The following RALGAPA1 variants were observed in gnomAD, a reference collection of about 807,000 sequenced individuals.
RALGAPA1 encodes the protein Ral GTPase activating protein catalytic subunit alpha 1, also known as ral GTPase-activating protein subunit alpha-1.
RALGAPA1 carries 52 observed loss-of-function variants against 269.6 expected under a neutral mutation model. That is an observed-to-expected ratio of 0.19 (90% CI 0.15 to 0.24). The LOEUF (loss-of-function observed/expected upper bound fraction) is 0.24. Among genes scored for constraint, RALGAPA1 ranks in the 10% least tolerant of loss-of-function variants. The probability of loss-of-function intolerance (pLI) is 1.00; values close to 1 mark genes in which losing one functional copy is unlikely to be tolerated. For synonymous variants in RALGAPA1, 817 were observed against 1,008.3 expected, an observed-to-expected ratio of 0.81 and a Z score of 3.60; for missense variants, 1,917 against 3,013.9, an observed-to-expected ratio of 0.64 and a Z score of 8.52.
chr14:35,796,578 T>C (rs957913743), intron 1 of RALGAPA1, among the ~76,000 whole-genome samples: 1 of 152,110 alleles, frequency 6.6e-6, no homozygotes, highest in African/African-American at 2.4e-5. Context: ...AACCAAGGCA[T>C]ATGATAATCA....
intron 1 of RALGAPA1, among the ~76,000 whole-genome samples, chr14:35,791,677 T>A: frequency 6.6e-6 from 1 of 150,696 alleles, no homozygotes. Flanking sequence ...GAGGCTGAGG[T>A]GGGCGGATCA....
At chr14:35,555,028 A>G (rs924080291) in intron 39 of RALGAPA1, among the ~76,000 whole-genome samples, 3 of 152,172 alleles carry the variant, frequency 2.0e-5, no homozygotes, top group African/African-American at 7.2e-5. Flanking sequence ...ATATAGTTGG[A>G]ACTTTCCTAG....
intron 27 of RALGAPA1, 101 bp from the exon 28 acceptor site, chr14:35,659,297 G>C: frequency 1.4e-6 from 1 of 711,520 alleles, no homozygotes; most frequent in East Asian, 2.9e-5. Flanking sequence ...TTGTTCTCAT[G>C]TATGTACTTT....
At chr14:35,584,537 T>G (rs2058153718) in intron 37 of RALGAPA1, among the ~76,000 whole-genome samples, 1 of 152,198 alleles carries the variant, frequency 6.6e-6, no homozygotes, top group Non-Finnish European at 1.5e-5. Flanking sequence ...AGTGCTGGGA[T>G]TACAGGTGTT....
At chr14:35,629,282 GGTGTGTGTGTGTGTGTGT>G (rs33989714) in intron 33 of RALGAPA1, among the ~76,000 whole-genome samples, 1 of 145,292 alleles carries the variant, frequency 6.9e-6, no homozygotes, top group South Asian at 2.3e-4. Flanking sequence ...ATGTTTAGGG[GGTGTGTGTGTGTGTGTGT>G]GTGTGTGTGT....
chr14:35,610,999 C>T (rs2059895905), intron 35 of RALGAPA1, among the ~76,000 whole-genome samples: 1 of 152,114 alleles, frequency 6.6e-6, no homozygotes, highest in African/African-American at 2.4e-5. Context: ...AAAAAAAAGT[C>T]ATGTTCATGG....
intron 5 of RALGAPA1, among the ~76,000 whole-genome samples, chr14:35,761,879 C>T (rs2073732805): frequency 6.6e-6 from 1 of 152,184 alleles, no homozygotes; most frequent in Non-Finnish European, 1.5e-5. Context: ...TACAGGAAGG[C>T]TTATTCCTTT....
intron 1 of RALGAPA1, among the ~76,000 whole-genome samples, chr14:35,779,282 T>C (rs1172983933): frequency 1.3e-5 from 2 of 152,008 alleles, no homozygotes; most frequent in African/African-American, 4.8e-5. Context: ...TCCCAGTACT[T>C]TAGGAGGCTG....
At chr14:35,607,413 A>G (rs1380696203) in intron 35 of RALGAPA1, among the ~76,000 whole-genome samples, 3 of 152,178 alleles carry the variant, frequency 2.0e-5, no homozygotes. Flanking sequence ...CAGAAGATCT[A>G]TTTTAGATAG....
chr14:35,722,833 C>T (rs547215787), intron 15 of RALGAPA1, among the ~76,000 whole-genome samples, 194 bp downstream of exon 15: 7 of 152,108 alleles, frequency 4.6e-5, no homozygotes, highest in African/African-American at 1.7e-4. Context: ...ATTAAACCAC[C>T]TTCTCAGTTC....
At chr14:35,757,597 CATT>C (rs1281634852) in intron 6 of RALGAPA1, among the ~76,000 whole-genome samples, 1 of 152,158 alleles carries the variant, frequency 6.6e-6, no homozygotes, top group Non-Finnish European at 1.5e-5. Context: ...AGATGACAAA[CATT>C]AGTAATAATG....
At chr14:35,695,436 T>C (rs147186668) in intron 17 of RALGAPA1, among the ~76,000 whole-genome samples, 167 of 152,338 alleles carry the variant, frequency 1.1e-3, no homozygotes, top group African/African-American at 4.0e-3. Context: ...AGACATACTA[T>C]TTTATTTTTC....
At chr14:35,654,015 G>A (rs1190999563) in intron 30 of RALGAPA1, among the ~76,000 whole-genome samples, 3 of 152,086 alleles carry the variant, frequency 2.0e-5, no homozygotes, top group Non-Finnish European at 4.4e-5. Context: ...TTGTTTAACT[G>A]TTTGTTGAGC....
chr14:35,565,695 C>A (rs1238698033), intron 39 of RALGAPA1, among the ~76,000 whole-genome samples: 2 of 152,062 alleles, frequency 1.3e-5, no homozygotes, highest in African/African-American at 4.8e-5. Flanking sequence ...TCTCTGAGAA[C>A]CCTCACTACT....
At chr14:35,708,493 C>T (rs139743938) in intron 16 of RALGAPA1, among the ~76,000 whole-genome samples, 6 of 152,118 alleles carry the variant, frequency 3.9e-5, no homozygotes, top group East Asian at 3.9e-4. Context: ...AACAGGTATG[C>T]GAAAAGGTGC....
intron 13 of RALGAPA1, among the ~76,000 whole-genome samples, chr14:35,725,440 C>T (rs1020656951): frequency 4.6e-5 from 7 of 152,064 alleles, no homozygotes; most frequent in East Asian, 1.9e-4. Context: ...CTCCCGTCTC[C>T]GCAACCACAA....
intron 21 of RALGAPA1, among the ~76,000 whole-genome samples, chr14:35,678,970 A>G (rs1439758068): frequency 6.6e-6 from 1 of 152,112 alleles, no homozygotes; most frequent in Admixed American, 6.6e-5. Context: ...CACTTATCAC[A>G]CTGACTTGAA....
chr14:35,700,319 G>T lies in RALGAPA1; in HGVS notation c.2267-17C>A. 6.7e-7 allele frequency: 1 copy of T among 1,495,524 alleles called. No individual in the cohort carries two copies. Among genetic ancestry groups the T allele is most frequent in the Admixed American group, 2.4e-5 (1 of 41,070 alleles). 92.6% of individuals were successfully genotyped at this position (1,495,524 alleles called of 1,614,324 possible). A position where few individuals can be genotyped will look rare whatever the true frequency, so the allele number is the denominator to read the frequency against. ...TTCTCATGGCTTTAAAAAAGGAAAA[G>T]AAAGAAGTGGGGAAGGAAAAAAGAA... On this transcript the variant is annotated splice_polypyrimidine_tract_variant and intron_variant, in intron 16 of 41. Coordinates refer to ENST00000680220, the MANE Select transcript of RALGAPA1 (RefSeq NM_001346249.2).
At chr14:35,652,722 T>C (rs1156918225) in intron 30 of RALGAPA1, among the ~76,000 whole-genome samples, 1 of 152,068 alleles carries the variant, frequency 6.6e-6, no homozygotes, top group East Asian at 1.9e-4. Context: ...GCTTTTTAAA[T>C]TAACATATAT....
Sources: gnomAD v4.1 joint callset for allele counts (sites outside exome capture counted in the v4.1 genomes callset) on GRCh38, gnomAD v4.1.1 for gene constraint, MANE v1.5 for transcripts, NCBI Gene and HGNC (gene_info 2026-07-23, HGNC 2026-07-21) for gene names.